The following F11 variants were observed in gnomAD, a reference collection of about 807,000 sequenced individuals.
F11 encodes the protein coagualtion factor XI.
In F11, 78 loss-of-function variants were observed where a neutral mutation model predicts 76.5. That is an observed-to-expected ratio of 1.02 (90% CI 0.85 to 1.23). The LOEUF (loss-of-function observed/expected upper bound fraction) is 1.23. Ranked by LOEUF, F11 falls within the 50% of genes most tolerant of loss-of-function variation. The probability of loss-of-function intolerance (pLI) is 0.00; values close to 1 mark genes in which losing one functional copy is unlikely to be tolerated. For missense variants in F11, 742 were observed against 771.4 expected, an observed-to-expected ratio of 0.96 and a Z score of 0.45; for synonymous variants, 278 against 276.3, an observed-to-expected ratio of 1.01 and a Z score of -0.06.
chr4:186,282,002 T>C, intron 10 of F11: 1 of 1,255,398 alleles, frequency 8.0e-7, no homozygotes, highest in Non-Finnish European at 1.1e-6. Flanking sequence ...GTCAATTACG[T>C]CGTATCTCAT....
intron 10 of F11, 127 bp from the exon 11 acceptor site, chr4:186,283,965 C>A (rs1580097947): frequency 2.1e-6 from 3 of 1,460,696 alleles, no homozygotes; most frequent in Non-Finnish European, 2.8e-6. Context: ...ATTATAAAGT[C>A]TCTGTAACTC....
In F11 at chr4:186,280,299, C is replaced by G; in HGVS notation, c.942C>G (p.His314Gln). The G allele has an allele frequency of 6.2e-7, 1 of 1,614,142 alleles. No individual in the cohort carries two copies. The highest frequency in any genetic ancestry group is 8.5e-7 in the Non-Finnish European group (1 of 1,180,016). Residue 314 changes from histidine to glutamine, a missense_variant, in exon 9 of 15, where the codon CAC (histidine) becomes CAG (glutamine). His to Gln is a conservative substitution (Grantham distance 24). Coordinates refer to ENST00000403665, the MANE Select transcript of F11 (RefSeq NM_000128.4). ...TGGATATTGTTGCTGCAAAAAGTCA[C>G]GAGGCCTGCCAGAAACTGTGCACCA... Reference protein sequence around the residue: ...EELDIVAAKSHEACQKLCTNA... With the variant: ...EELDIVAAKSQEACQKLCTNA...
chr4:186,268,709 A>G (rs1438894958), intron 2 of F11, among the ~76,000 whole-genome samples: 2 of 152,222 alleles, frequency 1.3e-5, no homozygotes, highest in African/African-American at 4.8e-5. Flanking sequence ...AAGATGAATC[A>G]GAGATGAAAT....
chr4:186,276,604 T>G (rs544375220), intron 7 of F11, among the ~76,000 whole-genome samples: 1,605 of 112,962 alleles, frequency 0.014, 23 homozygotes, highest in African/African-American at 0.049. Context: ...TTTTTTTTTT[T>G]GAGATGGAGT....
Position 186,272,730 on chromosome 4 carries a change from G to A in F11, c.219-341G>A, listed in dbSNP as rs572021764. On this transcript the variant is annotated intron_variant, in intron 3 of 14. Transcript: ENST00000403665. ...CCAAGGATATTATTTAAGTATTTAT[G>A]TCACCACTTAAAATGTAACAATTTG... Among the ~76,000 whole-genome samples, 5 of 152,308 alleles carry A rather than the reference G, an allele frequency of 3.3e-5. No individual in the cohort carries two copies. In the South Asian group the frequency reaches 1.0e-3, roughly 32 times the overall value.
chr4:186,280,378 G>A lies in F11; in HGVS notation c.1021G>A (p.Glu341Lys), dbSNP rs281875270. ...TYTPAQASCNEGKGKCYLKLS... is the reference protein window; with the variant it reads ...TYTPAQASCNKGKGKCYLKLS... ...TACCCCAGCCCAAGCATCCTGCAAC[G>A]AAGGGAAGTAAGCCATATGAAGGGT... is the stretch of plus-strand genomic sequence containing the variant. Residue 341 changes from glutamate (E) to lysine (K), a missense_variant, in exon 9 of 15, where the codon GAA (glutamate) becomes AAA (lysine). Physicochemically the swap from Glu to Lys is moderately conservative, Grantham distance 56. Coordinates refer to ENST00000403665, the MANE Select transcript of F11 (RefSeq NM_000128.4). 17 of 1,614,076 alleles carry A rather than the reference G, an allele frequency of 1.1e-5. No individual in the cohort carries two copies. Among genetic ancestry groups the A allele is most frequent in the East Asian group, 8.9e-5 (4 of 44,894 alleles).
intron 11 of F11, 93 bp from the exon 12 acceptor site, chr4:186,285,545 T>C: frequency 7.7e-7 from 1 of 1,305,232 alleles, no homozygotes; most frequent in East Asian, 2.3e-5. Context: ...TGGCAGAAAA[T>C]ATTAGTAATA....
intron 10 of F11, 151 bp from the exon 11 acceptor site, chr4:186,283,941 G>C (rs1401579936): frequency 8.5e-7 from 1 of 1,182,354 alleles, no homozygotes; most frequent in Non-Finnish European, 1.2e-6. Context: ...TGCATGTTTT[G>C]CTTTGGCAGC....
At chr4:186,287,992 C>T (rs111706649) in intron 14 of F11, among the ~76,000 whole-genome samples, 169 bp downstream of exon 14, 1 of 151,820 alleles carries the variant, frequency 6.6e-6, no homozygotes, top group African/African-American at 2.4e-5. Flanking sequence ...GCAAGCTCTG[C>T]CTCCCAGGTT....
intron 10 of F11, chr4:186,282,170 G>A (rs1740856918): frequency 1.5e-5 from 17 of 1,123,980 alleles, no homozygotes; most frequent in African/African-American, 4.8e-5. Flanking sequence ...GAATGAGCAC[G>A]TATACCTCAA....
chr4:186,284,210 C>T lies in F11; in HGVS notation c.1254C>T (p.Gly418=), dbSNP rs780637390. 1 of 1,614,238 alleles carries T rather than the reference C, an allele frequency of 6.2e-7. No homozygotes were observed. The highest frequency in any genetic ancestry group is 1.1e-5 in the South Asian group (1 of 91,088). ...CCACTCAGAGACACCTGTGTGGAGG[C>T]TCCATCATTGGAAACCAGTGGATAT... ...TSPTQRHLCG[G]SIIGNQWILT... The change falls in exon 11 of 15, where the codon GGC becomes GGT. Residue 418 remains glycine (G), a synonymous_variant. Coordinates refer to ENST00000403665, the MANE Select transcript of F11 (RefSeq NM_000128.4).
rs1169535616 is a variant in F11, at chr4:186,287,786, G to A, written c.1679G>A (p.Cys560Tyr). The A allele has an allele frequency of 6.2e-7, 1 of 1,613,468 alleles. No individual in the cohort carries two copies. The highest frequency in any genetic ancestry group is 2.2e-5 in the East Asian group (1 of 44,864). The change falls in exon 14 of 15, where the codon TGT (cysteine) becomes TAT (tyrosine). Residue 560 changes from cysteine (C) to tyrosine (Y), a missense_variant. Physicochemically the swap from Cys to Tyr is radical, Grantham distance 194. Transcript: ENST00000403665. ...CATAAAATAACCCATAAGATGATCT[G>A]TGCCGGCTACAGGGAAGGAGGGAAG... is the stretch of plus-strand genomic sequence containing the variant. ...RGHKITHKMI[C>Y]AGYREGGKDA...
At chr4:186,274,690 A>T (rs1160107161) in intron 5 of F11, 1 of 246,606 alleles carries the variant, frequency 4.1e-6, no homozygotes, top group Non-Finnish European at 8.0e-6. Flanking sequence ...TCATGTAAAA[A>T]GTCTTATCCT....
At chr4:186,276,980 T>A (rs569131399) in intron 7 of F11, among the ~76,000 whole-genome samples, 14 of 152,244 alleles carry the variant, frequency 9.2e-5, no homozygotes, top group Admixed American at 8.5e-4. Flanking sequence ...TGTGTAGTGG[T>A]GAAGTCTGGG....
chr4:186,268,871 A>T (rs910815859), intron 2 of F11, among the ~76,000 whole-genome samples: 1 of 152,200 alleles, frequency 6.6e-6, no homozygotes, highest in Non-Finnish European at 1.5e-5. Context: ...ATATAAGATG[A>T]CAAGAAGATA....
In F11 at chr4:186,267,176, A is replaced by C. The variant is rs1429348654; in HGVS notation, c.40A>C (p.Thr14Pro). The change falls in exon 2 of 15, where the codon ACT (threonine) becomes CCT (proline). Residue 14 changes from threonine (T) to proline (P), a missense_variant. By Grantham distance (38) the Thr-to-Pro change is conservative (BLOSUM62 -1). Transcript: ENST00000403665. ...TCAAGTGGTACATTTCATTTTATTT[A>C]CTTCAGTTTCTGGTGGTAAGTAGAG... The part of the protein sequence containing the change: ...LYQVVHFILF[T>P]SVSGECVTQL... 6.3e-7 allele frequency: 1 copy of C among 1,578,650 alleles called. No individual in the cohort carries two copies. Among genetic ancestry groups the C allele is most frequent in the African/African-American group, 1.3e-5 (1 of 74,172 alleles).
intron 2 of F11, among the ~76,000 whole-genome samples, chr4:186,267,415 T>A (rs1162864508): frequency 6.6e-6 from 1 of 152,212 alleles, no homozygotes. Flanking sequence ...CATATCTACA[T>A]CCATGCCTAC....
In F11 at chr4:186,285,643, A is replaced by C. The variant is rs768796549; in HGVS notation, c.1310A>C (p.Glu437Ala). ...CTCTGTTGTTTGCTCCTTAGGGTAG[A>C]GTCACCTAAGATTTTGCGTGTCTAC... is the stretch of plus-strand genomic sequence containing the variant. ...LTAAHCFYGV[E>A]SPKILRVYSG... is the part of the protein sequence containing the mutation. The change falls in exon 12 of 15, where the codon GAG becomes GCG. Residue 437 changes from glutamate (E) to alanine (A), a missense_variant. Transcript: ENST00000403665. 2 of 1,613,872 alleles carry C rather than the reference A, an allele frequency of 1.2e-6. No homozygotes were observed. The highest frequency in any genetic ancestry group is 1.7e-6 in the Non-Finnish European group (2 of 1,179,798).
rs5965 is a variant in F11, at chr4:186,274,298, G to C, written c.485+23G>C. 3.1e-4 allele frequency: 499 copies of C among 1,614,096 alleles called. 4 individuals are homozygous for C. The East Asian group carries it at 9.0e-3, about 29-fold the overall frequency. ...TCGGTGAGTGAGTCCCAGGACATTC[G>C]AGTGGTCGATGAAAAACAGAATCGT... On this transcript the variant is annotated intron_variant, in intron 5 of 14. Coordinates refer to ENST00000403665, the MANE Select transcript of F11 (RefSeq NM_000128.4).
Sources: allele counts gnomAD v4.1 joint callset (sites outside exome capture counted in the v4.1 genomes callset), GRCh38; gene constraint gnomAD v4.1.1; transcripts MANE v1.5; gene names NCBI Gene and HGNC (gene_info 2026-07-23, HGNC 2026-07-21).